DPP10: variants seen among roughly 807,000 people sequenced by gnomAD.
DPP10 encodes the protein inactive dipeptidyl peptidase 10.
In DPP10, 33 loss-of-function variants were observed where a neutral mutation model predicts 120.9. That is an observed-to-expected ratio of 0.27 (90% CI 0.21 to 0.37). The LOEUF (loss-of-function observed/expected upper bound fraction) is 0.37. Among genes scored for constraint, DPP10 ranks in the 10% least tolerant of loss-of-function variants. The pLI is 1.00. For synonymous variants in DPP10, 337 were observed against 326.1 expected (o/e 1.03, Z -0.36); for missense variants, 816 against 942.8 (o/e 0.87, Z 1.76).
Position 115,767,793 on chromosome 2 carries a change from G to A in DPP10, c.1114-504G>A, listed in dbSNP as rs574998486. On this transcript the variant is annotated intron_variant, in intron 12 of 25. Transcript: ENST00000410059. ...AATCCTTTCAATTTCGTGGCCTGTC[G>A]TCTTTTGTATTTTCAGTTAATTTAT... 3.9e-5 allele frequency among the ~76,000 whole-genome samples: 6 copies of A among 151,984 alleles called. No individual in the cohort carries two copies. In the South Asian group the frequency reaches 6.2e-4, roughly 16 times the overall value.
At chr2:114,568,823 A>G (rs979503778) in intron 1 of DPP10, among the ~76,000 whole-genome samples, 1 of 152,022 alleles carries the variant, frequency 6.6e-6, no homozygotes, top group Admixed American at 6.6e-5. Flanking sequence ...CATTCTACCT[A>G]TTCTTACATG....
intron 3 of DPP10, among the ~76,000 whole-genome samples, chr2:115,359,082 TCCAACTTG>T (rs2064600985): frequency 6.6e-6 from 1 of 152,170 alleles, no homozygotes. Flanking sequence ...TAGCATTTCA[TCCAACTTG>T]CCACACTGTA....
chr2:115,590,992 T>A (rs1432806746), intron 5 of DPP10, among the ~76,000 whole-genome samples: 1 of 152,240 alleles, frequency 6.6e-6, no homozygotes, highest in Non-Finnish European at 1.5e-5. Flanking sequence ...GTTCATATCC[T>A]TTGCCCACTT....
intron 3 of DPP10, among the ~76,000 whole-genome samples, chr2:115,467,799 A>G (rs1205950334): frequency 6.6e-6 from 1 of 152,202 alleles, no homozygotes; most frequent in South Asian, 2.1e-4. Flanking sequence ...CATTCTGCAT[A>G]CAGGCAGGAC....
chr2:114,853,217 G>A (rs1689107419), intron 1 of DPP10, among the ~76,000 whole-genome samples: 1 of 152,160 alleles, frequency 6.6e-6, no homozygotes, highest in South Asian at 2.1e-4. Flanking sequence ...TATTGGAAAT[G>A]TTTTATAACT....
chr2:115,347,370 T>C (rs1392562141), intron 3 of DPP10, among the ~76,000 whole-genome samples: 1 of 152,162 alleles, frequency 6.6e-6, no homozygotes, highest in Non-Finnish European at 1.5e-5. Flanking sequence ...TGATCTATTA[T>C]CTGAAAGGTA....
intron 21 of DPP10, among the ~76,000 whole-genome samples, chr2:115,827,281 A>C (rs1559209019): frequency 6.6e-6 from 1 of 150,492 alleles, no homozygotes; most frequent in Non-Finnish European, 1.5e-5. Context: ...GTATGTATAC[A>C]CATACATATA....
intron 3 of DPP10, among the ~76,000 whole-genome samples, chr2:115,384,436 A>T (rs1408517502): frequency 1.4e-5 from 2 of 142,592 alleles, no homozygotes; most frequent in Non-Finnish European, 3.0e-5. Context: ...AAGGAGAAGA[A>T]GAAGAGGAGG....
At position 115,525,878 on chromosome 2, in the gene DPP10, GT is replaced by G. The variant is rs552933813; in HGVS notation, c.367-11del. On this transcript the variant is annotated intron_variant, in intron 4 of 25. Coordinates refer to ENST00000410059, the MANE Select transcript of DPP10 (RefSeq NM_020868.6). ...GTTAAGAAGTTTTTAAATATAACTGGTTTTTTTTTCTTTTTCTAGGTAACCT... is the reference window on the plus strand; with the variant it reads ...GTTAAGAAGTTTTTAAATATAACTGGTTTTTTTTCTTTTTCTAGGTAACCT... The G allele has an allele frequency of 5.5e-5, 85 of 1,534,554 alleles. No homozygotes were observed. The highest frequency in any genetic ancestry group is 7.2e-5 in the South Asian group (6 of 83,232).
At chr2:115,644,766 G>A (rs2087095550) in intron 5 of DPP10, among the ~76,000 whole-genome samples, 1 of 152,108 alleles carries the variant, frequency 6.6e-6, no homozygotes, top group Non-Finnish European at 1.5e-5. Context: ...CAAGGTGACA[G>A]AGTGAGACCT....
In DPP10 at chr2:114,956,526, A is replaced by T. The variant is rs28865364; in HGVS notation, c.61-352713A>T. Among the ~76,000 whole-genome samples the T allele has an allele frequency of 4.4e-3, 605 of 138,430 alleles. 1 individual carries two copies. Among genetic ancestry groups the T allele is most frequent in the African/African-American group, 0.016 (592 of 37,414 alleles). The allele number at this position is 138,430 out of a possible 152,430, so 90.8% of individuals were successfully genotyped here. A position where few individuals can be genotyped will look rare whatever the true frequency, so the allele number is the denominator to read the frequency against. On this transcript the variant is annotated intron_variant, in intron 1 of 25. Transcript: ENST00000410059. ...TATTTTAAATATCCATCCTACCCAA[A>T]GTGATCTACACATTCAATGCAGTCT...
At chr2:115,382,982 G>A (rs114932221) in intron 3 of DPP10, among the ~76,000 whole-genome samples, 1 of 152,164 alleles carries the variant, frequency 6.6e-6, no homozygotes, top group Non-Finnish European at 1.5e-5. Flanking sequence ...TGCACAGGGG[G>A]TGCCATACTT....
chr2:115,524,982 C>T (rs1350151223), intron 4 of DPP10, among the ~76,000 whole-genome samples: 1 of 152,018 alleles, frequency 6.6e-6, no homozygotes, highest in Non-Finnish European at 1.5e-5. Context: ...AACAAACAAA[C>T]AAACAAAAAC....
intron 1 of DPP10, among the ~76,000 whole-genome samples, chr2:114,556,234 C>CATATAT (rs56772742): frequency 0.055 from 4,761 of 86,346 alleles, 277 homozygotes; most frequent in Middle Eastern, 0.081. Context: ...ATAGATGATA[C>CATATAT]ATATATATAT....
intron 1 of DPP10, among the ~76,000 whole-genome samples, chr2:114,767,366 A>G (rs1027741665): frequency 1.3e-5 from 2 of 150,094 alleles, no homozygotes; most frequent in Non-Finnish European, 3.0e-5. Context: ...TGATAGAATA[A>G]AAAGGTCTAA....
At chr2:114,954,143 C>A (rs1698023093) in intron 1 of DPP10, among the ~76,000 whole-genome samples, 1 of 134,932 alleles carries the variant, frequency 7.4e-6, no homozygotes, top group South Asian at 2.4e-4. Context: ...GGCAGTGGTG[C>A]TATCTCGGCT....
chr2:115,098,492 T>C (rs778978383), intron 1 of DPP10, among the ~76,000 whole-genome samples: 7 of 152,126 alleles, frequency 4.6e-5, no homozygotes, highest in African/African-American at 9.7e-5. Context: ...CTACTGCTCC[T>C]GGGCTACAAA....
At chr2:114,471,638 G>C (rs546322130) in intron 1 of DPP10, among the ~76,000 whole-genome samples, 1 of 152,172 alleles carries the variant, frequency 6.6e-6, no homozygotes, top group Non-Finnish European at 1.5e-5. Flanking sequence ...TATGAAAAAA[G>C]AGTCTCCTAA....
At chr2:115,218,337 A>G (rs200762632) in intron 1 of DPP10, among the ~76,000 whole-genome samples, 3 of 152,032 alleles carry the variant, frequency 2.0e-5, no homozygotes, top group East Asian at 3.9e-4. Flanking sequence ...CTTGTTACAT[A>G]TTTTTCCTAT....
Sources: gnomAD v4.1 joint callset for allele counts (sites outside exome capture counted in the v4.1 genomes callset) on GRCh38, gnomAD v4.1.1 for gene constraint, MANE v1.5 for transcripts, NCBI Gene and HGNC (gene_info 2026-07-23, HGNC 2026-07-21) for gene names.